Variants in CSMD1 observed in about 807,000 individuals in gnomAD.
CSMD1 encodes CUB and Sushi multiple domains 1, also known as CUB and sushi domain-containing protein 1.
Under a neutral mutation model 417.5 loss-of-function variants are expected in CSMD1, and 213 were observed. The observed-to-expected ratio is 0.51, with a 90% CI of 0.46 to 0.57. CSMD1 has a LOEUF of 0.57. Among genes scored for constraint, CSMD1 ranks in the 20% least tolerant of loss-of-function variants. The pLI, the probability that CSMD1 is intolerant of heterozygous loss-of-function variation, is 0.00. For synonymous variants in CSMD1, 2,862 were observed against 1,736.8 expected, an observed-to-expected ratio of 1.65 and a Z score of -16.11; for missense variants, 6,923 against 4,529.7, an observed-to-expected ratio of 1.53 and a Z score of -15.17.
chr8:3,480,347 T>C (rs887033884), intron 11 of CSMD1, among the ~76,000 whole-genome samples: 5 of 151,942 alleles, frequency 3.3e-5, no homozygotes, highest in Admixed American at 1.3e-4. Flanking sequence ...CCTGGAGCAA[T>C]GGAGAAAGAC....
At chr8:3,399,140 C>G (rs988264625) in intron 16 of CSMD1, among the ~76,000 whole-genome samples, 2 of 152,136 alleles carry the variant, frequency 1.3e-5, no homozygotes, top group Non-Finnish European at 2.9e-5. Context: ...ATACAAGGGT[C>G]GGACCTCGGG....
chr8:4,391,365 C>T (rs1221202399), intron 3 of CSMD1, among the ~76,000 whole-genome samples: 1 of 152,084 alleles, frequency 6.6e-6, no homozygotes, highest in Non-Finnish European at 1.5e-5. Context: ...CTTGCTTTTC[C>T]ACTACAATGC....
chr8:3,070,034 T>C (rs947060565), intron 49 of CSMD1, among the ~76,000 whole-genome samples: 1 of 152,216 alleles, frequency 6.6e-6, no homozygotes, highest in Admixed American at 6.5e-5. Context: ...TGGGCACTTG[T>C]GATTCAAAGA....
At chr8:4,342,233 CTGTGTGT>C (rs1800520630) in intron 3 of CSMD1, among the ~76,000 whole-genome samples, 1 of 23,464 alleles carries the variant, frequency 4.3e-5, no homozygotes, top group African/African-American at 2.4e-4. Flanking sequence ...GTGTGTGTGT[CTGTGTGT>C]GTGTGTGTGT....
intron 1 of CSMD1, among the ~76,000 whole-genome samples, chr8:4,736,825 C>G (rs1199638633): frequency 6.6e-6 from 1 of 152,164 alleles, no homozygotes; most frequent in East Asian, 1.9e-4. Context: ...ACTGTGCTGT[C>G]TGATTTGTGG....
chr8:3,162,804 C>G (rs1819981345), intron 37 of CSMD1, among the ~76,000 whole-genome samples: 1 of 152,084 alleles, frequency 6.6e-6, no homozygotes, highest in African/African-American at 2.4e-5. Flanking sequence ...CATGAACAGT[C>G]TGTTCTTCAT....
rs141550289 is a variant in CSMD1, at chr8:4,728,232, C to T, written c.86-90674G>A. The stretch of plus-strand genomic sequence containing the variant: ...ATATTTGGTATATATAAGTGTGATC[C>T]TACACCTAATGATATGAAGTAAAAT... On this transcript the variant is annotated intron_variant, in intron 1 of 69. Transcript: ENST00000635120. 3.7e-4 allele frequency among the ~76,000 whole-genome samples: 55 copies of T among 148,080 alleles called. 1 individual carries two copies. The highest frequency in any genetic ancestry group is 1.0e-3 in the African/African-American group (42 of 40,466).
At chr8:3,989,694 A>T (rs1814600585) in intron 5 of CSMD1, among the ~76,000 whole-genome samples, 1 of 152,240 alleles carries the variant, frequency 6.6e-6, no homozygotes, top group South Asian at 2.1e-4. Context: ...CTCTAAAGAG[A>T]TTCGAATCAG....
At chr8:4,904,703 G>A (rs1805121800) in intron 1 of CSMD1, among the ~76,000 whole-genome samples, 1 of 152,088 alleles carries the variant, frequency 6.6e-6, no homozygotes, top group Non-Finnish European at 1.5e-5. Flanking sequence ...TAAAATGGAA[G>A]AAAGTAACAC....
chr8:4,464,527 C>G (rs1019942417), intron 2 of CSMD1, among the ~76,000 whole-genome samples: 3 of 152,030 alleles, frequency 2.0e-5, no homozygotes, highest in Admixed American at 2.0e-4. Context: ...GTCATTTATT[C>G]AATATTGAAC....
At chr8:4,823,976 A>G (rs919490986) in intron 1 of CSMD1, among the ~76,000 whole-genome samples, 10 of 151,884 alleles carry the variant, frequency 6.6e-5, no homozygotes, top group Admixed American at 3.9e-4. Context: ...ATACACACCC[A>G]CGCATGGACA....
rs553082566 is a variant in CSMD1 at position 4,008,776 on chromosome 8, A to C, written c.611-10666T>G. 2.0e-5 allele frequency among the ~76,000 whole-genome samples: 3 copies of C among 151,498 alleles called. No individual in the cohort carries two copies. The East Asian group carries it at 5.8e-4, about 29-fold the overall frequency. On this transcript the variant is annotated intron_variant, in intron 4 of 69. Transcript: ENST00000635120. ...CAGGCATCCGGCACCACGCCTGGCT[A>C]ATTTTTTGTGTTTTTGGTAGAGACG...
intron 1 of CSMD1, among the ~76,000 whole-genome samples, chr8:4,652,708 C>T (rs548122827): frequency 7.2e-5 from 11 of 152,064 alleles, no homozygotes; most frequent in African/African-American, 1.9e-4. Context: ...CAATCCCAAG[C>T]GCAGTGACAA....
chr8:4,659,626 G>A (rs888089281), intron 1 of CSMD1, among the ~76,000 whole-genome samples: 1 of 152,088 alleles, frequency 6.6e-6, no homozygotes, highest in Non-Finnish European at 1.5e-5. Context: ...GATTGCCAGA[G>A]TCTAGGCCAT....
intron 5 of CSMD1, among the ~76,000 whole-genome samples, chr8:3,824,678 A>T (rs565062211): frequency 1.3e-5 from 2 of 152,202 alleles, no homozygotes; most frequent in Non-Finnish European, 2.9e-5. Flanking sequence ...TTAATGATGT[A>T]TATTAATATT....
chr8:4,319,307 C>G (rs545602206), intron 3 of CSMD1, among the ~76,000 whole-genome samples: 1 of 152,176 alleles, frequency 6.6e-6, no homozygotes, highest in Non-Finnish European at 1.5e-5. Flanking sequence ...ACAGTTTCTT[C>G]TAAATGAATT....
chr8:4,151,735 C>G (rs1003207619), intron 3 of CSMD1, among the ~76,000 whole-genome samples: 3 of 152,158 alleles, frequency 2.0e-5, no homozygotes, highest in Non-Finnish European at 2.9e-5. Context: ...CGGGTAAATA[C>G]TAGAGGAAGA....
chr8:4,883,712 T>C (rs1364860523), intron 1 of CSMD1, among the ~76,000 whole-genome samples: 1 of 152,168 alleles, frequency 6.6e-6, no homozygotes, highest in Non-Finnish European at 1.5e-5. Flanking sequence ...ATATTTTGTG[T>C]ATTTATTCTT....
intron 50 of CSMD1, among the ~76,000 whole-genome samples, chr8:3,034,814 G>C (rs991036147): frequency 6.6e-6 from 1 of 152,160 alleles, no homozygotes; most frequent in African/African-American, 2.4e-5. Flanking sequence ...TAGGGAATAA[G>C]ATAAAACTGA....
Sources: gnomAD v4.1 joint callset for allele counts (sites outside exome capture counted in the v4.1 genomes callset) on GRCh38, gnomAD v4.1.1 for gene constraint, MANE v1.5 for transcripts, NCBI Gene and HGNC (gene_info 2026-07-23, HGNC 2026-07-21) for gene names.